SHISA9: variants seen among roughly 807,000 people sequenced by gnomAD.
The protein encoded by SHISA9 is protein shisa-9.
SHISA9 carries 13 observed loss-of-function variants against 38.0 expected under a neutral mutation model. The ratio of observed to expected loss-of-function variants is 0.34; its 90% CI spans 0.22 to 0.54. The LOEUF is 0.54. Among genes scored for constraint, SHISA9 ranks in the 20% least tolerant of loss-of-function variants. SHISA9 has a pLI of 0.91. For missense variants in SHISA9, 538 were observed against 575.8 expected, an observed-to-expected ratio of 0.93 and a Z score of 0.67; for synonymous variants, 275 against 242.0, an observed-to-expected ratio of 1.14 and a Z score of -1.27.
the SHISA9 span, among the ~76,000 whole-genome samples, chr16:13,341,708 C>T: frequency 6.6e-6 from 1 of 152,152 alleles, no homozygotes; most frequent in Admixed American, 6.5e-5. Context: ...AACACGCTTT[C>T]CTCCCACAGA....
At chr16:13,019,876 C>CTT (rs2072814956) in intron 2 of SHISA9, among the ~76,000 whole-genome samples, 4 of 32,400 alleles carry the variant, frequency 1.2e-4, no homozygotes, top group African/African-American at 4.3e-4. Context: ...CCCTCCCTCC[C>CTT]TCCCTCCCTT....
chr16:13,484,946 A>G, the SHISA9 span, among the ~76,000 whole-genome samples: 3 of 152,124 alleles, frequency 2.0e-5, no homozygotes, highest in Non-Finnish European at 4.4e-5. Flanking sequence ...GCAGGGACAC[A>G]GAGGCAGACC....
At chr16:13,340,196 T>G in the SHISA9 span, among the ~76,000 whole-genome samples, 1 of 152,112 alleles carries the variant, frequency 6.6e-6, no homozygotes. Context: ...TATCTCTCAT[T>G]TTACAGAGGA....
rs148358105 is a variant in SHISA9 at position 13,108,247 on chromosome 16, C to G, written c.692-95147C>G. Among the ~76,000 whole-genome samples, 421 of 152,160 alleles carry G rather than the reference C, an allele frequency of 2.8e-3. 2 individuals carry two copies. Among genetic ancestry groups the G allele is most frequent in the African/African-American group, 9.8e-3 (407 of 41,508 alleles). On this transcript the variant is annotated intron_variant, in intron 2 of 4. Transcript: ENST00000558583. ...GGACTCAAGTGATCCTCCTACCTCA[C>G]CTTTTCGAGTAGCTGAGACTGCAGG...
At chr16:13,470,513 A>G in the SHISA9 span, among the ~76,000 whole-genome samples, 3 of 152,226 alleles carry the variant, frequency 2.0e-5, no homozygotes, top group Non-Finnish European at 4.4e-5. Context: ...GCAGCAGGCA[A>G]GAGAGCTTGT....
the SHISA9 span, among the ~76,000 whole-genome samples, chr16:13,550,047 A>G: frequency 2.0e-5 from 3 of 151,604 alleles, no homozygotes; most frequent in Non-Finnish European, 4.4e-5. Context: ...TAAAGTATAT[A>G]TATTAGAGCT....
chr16:13,052,140 G>A (rs918013896), intron 2 of SHISA9, among the ~76,000 whole-genome samples: 1 of 152,066 alleles, frequency 6.6e-6, no homozygotes, highest in African/African-American at 2.4e-5. Flanking sequence ...CTAGTTTACG[G>A]TAGAAACCCC....
At chr16:13,306,481 T>C in the SHISA9 span, among the ~76,000 whole-genome samples, 7 of 152,154 alleles carry the variant, frequency 4.6e-5, no homozygotes, top group Non-Finnish European at 8.8e-5. Context: ...GATAATGATA[T>C]TAGTTATCAT....
At position 12,951,220 on chromosome 16, in the gene SHISA9, C is replaced by CAAAAAA. The variant is rs1567350239; in HGVS notation, c.691+34405_691+34406insAAAAAA. Among the ~76,000 whole-genome samples the CAAAAAA allele has an allele frequency of 3.9e-5, 3 of 77,686 alleles. 1 individual carries two copies. The highest frequency in any genetic ancestry group is 5.4e-5 in the African/African-American group (1 of 18,422). The allele number at this position is 77,686 out of a possible 152,430, so 51.0% of individuals were successfully genotyped here. ...TGGGTGACAGAGCAAGACTCCTTCT[C>CAAAAAA]CAAAAAAAAAAAAAAAAAAAAAAAA... On this transcript the variant is annotated intron_variant, in intron 2 of 4. Coordinates refer to ENST00000558583, the MANE Select transcript of SHISA9 (RefSeq NM_001145204.3).
intron 2 of SHISA9, among the ~76,000 whole-genome samples, chr16:13,083,041 C>G (rs1466798926): frequency 2.6e-5 from 4 of 152,140 alleles, no homozygotes; most frequent in Non-Finnish European, 5.9e-5. Context: ...GTTTGTGCAC[C>G]CAGCTTAGCT....
At chr16:13,466,916 A>C in the SHISA9 span, among the ~76,000 whole-genome samples, 17 of 152,164 alleles carry the variant, frequency 1.1e-4, no homozygotes. Context: ...TCACTCAAGA[A>C]CTTTACCTCC....
chr16:12,943,320 TGTGTGTGTGTGAGAGAGAGAGA>T (rs2071642526), intron 2 of SHISA9, among the ~76,000 whole-genome samples: 5 of 23,648 alleles, frequency 2.1e-4, no homozygotes, highest in African/African-American at 7.2e-4. Context: ...TGTGTGTGTG[TGTGTGTGTGTGAGAGAGAGAGA>T]GAGAGAGAGA....
chr16:12,955,395 C>A (rs1323384136), intron 2 of SHISA9, among the ~76,000 whole-genome samples: 1 of 152,044 alleles, frequency 6.6e-6, no homozygotes, highest in Non-Finnish European at 1.5e-5. Flanking sequence ...GCAGATGTGC[C>A]TCTGAGTGTG....
chr16:13,470,099 AC>A, the SHISA9 span, among the ~76,000 whole-genome samples: 1 of 152,126 alleles, frequency 6.6e-6, no homozygotes, highest in African/African-American at 2.4e-5. Context: ...ACTCTTCTAC[AC>A]CTTTAAAGTT....
chr16:13,071,164 G>T (rs146140311), intron 2 of SHISA9, among the ~76,000 whole-genome samples: 1 of 152,064 alleles, frequency 6.6e-6, no homozygotes, highest in Non-Finnish European at 1.5e-5. Flanking sequence ...CTTAAAAATC[G>T]TCAAGATGGC....
At chr16:13,218,564 G>A (rs2051192841) in intron 4 of SHISA9, among the ~76,000 whole-genome samples, 1 of 152,212 alleles carries the variant, frequency 6.6e-6, no homozygotes, top group South Asian at 2.1e-4. Context: ...GCCACTTATT[G>A]GCAGTGACAG....
chr16:13,233,860 A>G (rs1168864722), intron 4 of SHISA9, among the ~76,000 whole-genome samples: 1 of 152,156 alleles, frequency 6.6e-6, no homozygotes, highest in African/African-American at 2.4e-5. Context: ...ACAAAAAAAT[A>G]CAAAAATTAG....
At chr16:13,019,358 A>G (rs967292745) in intron 2 of SHISA9, among the ~76,000 whole-genome samples, 1 of 152,084 alleles carries the variant, frequency 6.6e-6, no homozygotes, top group Non-Finnish European at 1.5e-5. Flanking sequence ...GTTCCGGCAG[A>G]TCCATTTTCT....
the SHISA9 span, among the ~76,000 whole-genome samples, chr16:13,453,726 A>T: frequency 6.6e-6 from 1 of 152,306 alleles, no homozygotes; most frequent in Non-Finnish European, 1.5e-5. Flanking sequence ...ATTTTAAACT[A>T]CTTTGTTTTA....
Sources: allele counts gnomAD v4.1 joint callset (sites outside exome capture counted in the v4.1 genomes callset), GRCh38; gene constraint gnomAD v4.1.1; transcripts MANE v1.5; gene names NCBI Gene and HGNC (gene_info 2026-07-23, HGNC 2026-07-21).